Variants in IL2RA observed in about 807,000 individuals in gnomAD.
The protein encoded by IL2RA is interleukin-2 receptor subunit alpha.
IL2RA carries 24 observed loss-of-function variants against 37.8 expected under a neutral mutation model. The ratio of observed to expected loss-of-function variants is 0.63; its 90% confidence interval spans 0.46 to 0.89. The LOEUF (loss-of-function observed/expected upper bound fraction) is 0.89. Among genes scored for constraint, IL2RA ranks in the 40% least tolerant of loss-of-function variants. The pLI, the probability that IL2RA is intolerant of heterozygous loss-of-function variation, is 0.00. For missense variants in IL2RA, 319 were observed against 348.6 expected, an observed-to-expected ratio of 0.92 and a Z score of 0.68; for synonymous variants, 125 against 114.6, an observed-to-expected ratio of 1.09 and a Z score of -0.58.
chr10:6,039,766 T>G (rs1400569756), intron 1 of IL2RA: 2 of 152,204 alleles, frequency 1.3e-5, no homozygotes, highest in African/African-American at 2.4e-5. Context: ...TGAAAAGAAT[T>G]CCTCCCAATC....
rs748969179 is a variant in IL2RA at position 6,054,939 on chromosome 10, C to T, written c.64+7149G>A. Among the ~76,000 whole-genome samples the T allele has an allele frequency of 6.6e-6, 1 of 152,170 alleles. No individual in the cohort carries two copies. The highest frequency in any genetic ancestry group is 2.4e-5 in the African/African-American group (1 of 41,440). On this transcript the variant is annotated intron_variant, in intron 1 of 7. Transcript: ENST00000379959. This position sits in a 1 kb window ranked among gnomAD's most constrained non-coding sequence, Gnocchi z 4.5. The stretch of plus-strand genomic sequence containing the variant: ...TTTGAACTCCTGGGCTCATGGGATC[C>T]TCCTGCCTTGGCCTCCCAAAGTGCA...
chr10:6,023,135 G>A (rs757758794), intron 3 of IL2RA, among the ~76,000 whole-genome samples: 2 of 152,178 alleles, frequency 1.3e-5, no homozygotes, highest in African/African-American at 4.8e-5. Context: ...TATCTTTTGT[G>A]CATCTCAGTT....
At position 6,036,897 on chromosome 10, in the gene IL2RA, C is replaced by T. The variant is rs1839692625; in HGVS notation, c.65-10872G>A. Among the ~76,000 whole-genome samples, 3 of 152,150 alleles carry T rather than the reference C, an allele frequency of 2.0e-5. No individual in the cohort carries two copies. Among genetic ancestry groups the T allele is most frequent in the Non-Finnish European group, 2.9e-5 (2 of 68,014 alleles). On this transcript the variant is annotated intron_variant, in intron 1 of 7. Coordinates refer to ENST00000379959, the MANE Select transcript of IL2RA (RefSeq NM_000417.3). The surrounding 1 kb of genome is among the most constrained non-coding windows in gnomAD (Gnocchi z 6.1). ...TGTTCGCAGCAGCGTGTGTGCAGAG[C>T]CCCCGGGATCTTGCAGACTGGGATT...
chr10:6,030,503 A>C (rs1364833459), intron 1 of IL2RA, among the ~76,000 whole-genome samples: 1 of 152,214 alleles, frequency 6.6e-6, no homozygotes. Flanking sequence ...CAAAGTTTTA[A>C]AAGAAAAAAA....
At position 6,026,458 on chromosome 10, in the gene IL2RA, C is replaced by T. The variant is rs116886229; in HGVS notation, c.65-433G>A. ...AGACTTTCTATAATTAATGACTGTG[C>T]GCCATTTTTTGAGAAATATACAGAA... On this transcript the variant is annotated intron_variant, in intron 1 of 7. Transcript: ENST00000379959. Among the ~76,000 whole-genome samples the T allele has an allele frequency of 8.8e-4, 134 of 152,262 alleles. 3 individuals are homozygous for T. The East Asian group carries it at 0.02, about 22-fold the overall frequency.
At position 6,012,755 on chromosome 10, in the gene IL2RA, C is replaced by A. The variant is rs1012922758; in HGVS notation, c.*117G>T. ...GACTTCAGAGCTTCCAAAACGCAGG[C>A]AAGCACAACGGATGTCTCCTGGGCG... On this transcript the variant is annotated 3_prime_UTR_variant, in exon 8 of 8. Coordinates refer to ENST00000379959, the MANE Select transcript of IL2RA (RefSeq NM_000417.3). This position sits in a 1 kb window ranked among gnomAD's most constrained non-coding sequence, Gnocchi z 4.8. 1.0e-5 allele frequency: 11 copies of A among 1,090,094 alleles called. No individual in the cohort carries two copies. In the African/African-American group the frequency reaches 1.1e-4, roughly 11 times the overall value. 67.5% of individuals were successfully genotyped at this position (1,090,094 alleles called of 1,614,324 possible).
rs191340172 is a variant in IL2RA, at chr10:6,021,709, A to G, written c.368-16T>C. 2.5e-4 allele frequency: 401 copies of G among 1,611,934 alleles called. 2 individuals carry two copies. In the East Asian group the frequency reaches 7.9e-3, roughly 32 times the overall value. ...CTGCAGTGACCTGGAAGATGGAAGGAATGCTCTGAAGGCAAGTTGGGGACA... is the reference window on the plus strand; with the variant it reads ...CTGCAGTGACCTGGAAGATGGAAGGGATGCTCTGAAGGCAAGTTGGGGACA... On this transcript the variant is annotated splice_polypyrimidine_tract_variant and intron_variant, in intron 3 of 7. Coordinates refer to ENST00000379959, the MANE Select transcript of IL2RA (RefSeq NM_000417.3). The surrounding 1 kb of genome is among the most constrained non-coding windows in gnomAD (Gnocchi z 4.9).
At chr10:6,038,901 T>C (rs1839729481) in intron 1 of IL2RA, among the ~76,000 whole-genome samples, 1 of 152,042 alleles carries the variant, frequency 6.6e-6, no homozygotes, top group Non-Finnish European at 1.5e-5. Flanking sequence ...AAAACTTACT[T>C]AAATCAAAAG....
In IL2RA at chr10:6,029,995, G is replaced by A. The variant is rs144309505; in HGVS notation, c.65-3970C>T. On this transcript the variant is annotated intron_variant, in intron 1 of 7. Coordinates refer to ENST00000379959, the MANE Select transcript of IL2RA (RefSeq NM_000417.3). The surrounding 1 kb of genome is among the most constrained non-coding windows in gnomAD (Gnocchi z 4.6). The stretch of plus-strand genomic sequence containing the variant: ...GCTGGGATTACAGGTGTGAGCCACC[G>A]TGCCCAGCCAATATTTTTAAACATA... Among the ~76,000 whole-genome samples, 5 of 152,222 alleles carry A rather than the reference G, an allele frequency of 3.3e-5. 1 individual carries two copies. In the East Asian group the frequency reaches 5.8e-4, roughly 18 times the overall value.
At position 6,032,431 on chromosome 10, in the gene IL2RA, G is replaced by A. The variant is rs752725694; in HGVS notation, c.65-6406C>T. Among the ~76,000 whole-genome samples the A allele has an allele frequency of 5.3e-5, 8 of 152,210 alleles. No individual in the cohort carries two copies. In the South Asian group the frequency reaches 8.3e-4, roughly 16 times the overall value. ...AAGTAGGCAGGGTGTGGTGGCTCAC[G>A]CCTGTAATCCCAGCACTTTGGGAGG... On this transcript the variant is annotated intron_variant, in intron 1 of 7. Transcript: ENST00000379959.
chr10:6,040,185 G>A (rs1024754089), intron 1 of IL2RA, among the ~76,000 whole-genome samples: 6 of 152,166 alleles, frequency 3.9e-5, no homozygotes, highest in Non-Finnish European at 7.4e-5. Context: ...CCTCTTGAGC[G>A]GTGTTGTTTT....
chr10:6,010,706 T>G lies in IL2RA; in HGVS notation c.*2166A>C, dbSNP rs1156292584. 1 of 152,166 alleles carries G rather than the reference T, an allele frequency of 6.6e-6. No homozygotes were observed. The highest frequency in any genetic ancestry group is 6.5e-5 in the Admixed American group (1 of 15,274). The allele number at this position is 152,166 out of a possible 1,614,324, so 9.4% of individuals were successfully genotyped here. On this transcript the variant is annotated 3_prime_UTR_variant, in exon 8 of 8. Transcript: ENST00000379959. Reference sequence around the variant, plus strand: ...ACCAAGACTTTTTAAAAAATATCATTTATTCTTTTATAAACAATAGCAATA... The same window carrying G: ...ACCAAGACTTTTTAAAAAATATCATGTATTCTTTTATAAACAATAGCAATA...
intron 1 of IL2RA, among the ~76,000 whole-genome samples, chr10:6,026,425 G>A (rs537923000): frequency 9.9e-5 from 15 of 152,198 alleles, no homozygotes; most frequent in Non-Finnish European, 1.2e-4. Flanking sequence ...AAGGATATAC[G>A]AGTTGTTAGA....
intron 1 of IL2RA, among the ~76,000 whole-genome samples, chr10:6,059,940 T>C (rs779392236): frequency 6.6e-6 from 1 of 152,220 alleles, no homozygotes; most frequent in African/African-American, 2.4e-5. Context: ...CTCATTTTTG[T>C]ATTTCCTATA....
intron 7 of IL2RA, 82 bp downstream of exon 7, chr10:6,017,971 G>C: frequency 1.9e-6 from 2 of 1,058,386 alleles, no homozygotes; most frequent in Non-Finnish European, 2.9e-6. Flanking sequence ...AGAGAGCATG[G>C]AGGGGGTAGG....
In IL2RA at chr10:6,015,559, A is replaced by G. The variant is rs149847208; in HGVS notation, c.794+2494T>C. ...GGGACCCAGCAATCTGTGCTTTAAC[A>G]AGGCCTCCAGATGATTCTTTCAACA... On this transcript the variant is annotated intron_variant, in intron 7 of 7. Coordinates refer to ENST00000379959, the MANE Select transcript of IL2RA (RefSeq NM_000417.3). This position sits in a 1 kb window ranked among gnomAD's most constrained non-coding sequence, Gnocchi z 4.9. 5.4e-3 allele frequency among the ~76,000 whole-genome samples: 819 copies of G among 152,326 alleles called. 5 individuals carry two copies. Among genetic ancestry groups the G allele is most frequent in the African/African-American group, 0.019 (786 of 41,572 alleles).
intron 1 of IL2RA, among the ~76,000 whole-genome samples, chr10:6,052,037 G>A (rs1338742332): frequency 6.6e-6 from 1 of 151,456 alleles, no homozygotes; most frequent in East Asian, 1.9e-4. Flanking sequence ...CTTGGGGAAT[G>A]TGGGAGCTAG....
chr10:6,017,182 T>A (rs1422290725), intron 7 of IL2RA: 1 of 152,276 alleles, frequency 6.6e-6, no homozygotes, highest in South Asian at 2.1e-4. Flanking sequence ...CTCCTGGATG[T>A]TCTAAGATGC....
At position 6,035,557 on chromosome 10, in the gene IL2RA, A is replaced by G. The variant is rs1174914444; in HGVS notation, c.65-9532T>C. 1.3e-5 allele frequency among the ~76,000 whole-genome samples: 2 copies of G among 152,134 alleles called. No individual in the cohort carries two copies. Among genetic ancestry groups the G allele is most frequent in the Admixed American group, 6.5e-5 (1 of 15,274 alleles). ...TATTCTGGCAATAAAAGTACTCTGG[A>G]CACTGTTAAGGTGAGAAAAGAAAAG... On this transcript the variant is annotated intron_variant, in intron 1 of 7. Transcript: ENST00000379959. The surrounding 1 kb of genome is among the most constrained non-coding windows in gnomAD (Gnocchi z 5.4).
Sources: gnomAD v4.1 joint callset for allele counts (sites outside exome capture counted in the v4.1 genomes callset) on GRCh38, gnomAD v4.1.1 for gene constraint, Gnocchi (gnomAD v3.1) non-coding constraint, MANE v1.5 for transcripts, NCBI Gene and HGNC (gene_info 2026-07-23, HGNC 2026-07-21) for gene names.